EVI5L: variants seen among roughly 807,000 people sequenced by gnomAD.
EVI5L encodes the protein ecotropic viral integration site 5 like, also known as EVI5-like protein.
In EVI5L, 30 loss-of-function variants were observed where a neutral mutation model predicts 106.1. That is an observed-to-expected ratio of 0.28 (90% CI 0.21 to 0.38). EVI5L has a LOEUF of 0.38. Among genes scored for constraint, EVI5L ranks in the 10% least tolerant of loss-of-function variants. The probability of loss-of-function intolerance (pLI) is 1.00; values close to 1 mark genes in which losing one functional copy is unlikely to be tolerated. For synonymous variants in EVI5L, 489 were observed against 483.3 expected, an observed-to-expected ratio of 1.01 and a Z score of -0.15; for missense variants, 809 against 1,098.0, an observed-to-expected ratio of 0.74 and a Z score of 3.72.
At chr19:7,849,825 C>T (rs575911416) in intron 5 of EVI5L, among the ~76,000 whole-genome samples, 172 bp from the exon 6 acceptor site, 16 of 152,260 alleles carry the variant, frequency 1.1e-4, no homozygotes, top group African/African-American at 4.8e-5. Context: ...CTCAGGTCTT[C>T]CATCAGTAAA....
chr19:7,843,486 AGT>A (rs1978793833), intron 1 of EVI5L, among the ~76,000 whole-genome samples: 1 of 127,972 alleles, frequency 7.8e-6, no homozygotes, highest in Non-Finnish European at 1.6e-5. Context: ...GGGTGTGTCA[AGT>A]GTGCATGTGT....
At chr19:7,836,479 G>T (rs1025857729) in intron 1 of EVI5L, among the ~76,000 whole-genome samples, 1 of 152,160 alleles carries the variant, frequency 6.6e-6, no homozygotes, top group African/African-American at 2.4e-5. Context: ...GCAGCACAGC[G>T]GGTGGATTTA....
chr19:7,855,312 G>A (rs1417193265), intron 10 of EVI5L, among the ~76,000 whole-genome samples: 5 of 151,712 alleles, frequency 3.3e-5, no homozygotes, highest in Admixed American at 1.3e-4. Flanking sequence ...GGCTGGTCTC[G>A]AACTCCTGAC....
At chr19:7,849,543 C>G (rs1319786615) in intron 5 of EVI5L, among the ~76,000 whole-genome samples, 1 of 152,236 alleles carries the variant, frequency 6.6e-6, no homozygotes, top group African/African-American at 2.4e-5. Context: ...CTGTACCATC[C>G]AGGACAGAGA....
Position 7,863,754 on chromosome 19 carries a change from C to A in EVI5L, c.*52C>A. The A allele has an allele frequency of 7.0e-7, 1 of 1,423,234 alleles. No individual in the cohort carries two copies. Among genetic ancestry groups the A allele is most frequent in the South Asian group, 1.5e-5 (1 of 66,222 alleles). 88.2% of individuals were successfully genotyped at this position (1,423,234 alleles called of 1,614,324 possible). On this transcript the variant is annotated 3_prime_UTR_variant, in exon 20 of 20. Coordinates refer to ENST00000538904, the MANE Select transcript of EVI5L (RefSeq NM_001159944.3). The surrounding 1 kb of genome is among the most constrained non-coding windows in gnomAD (Gnocchi z 7.7). ...GGAGGCCGCAGCCGCGGGGGGCGCC[C>A]GGGCAGTCCGCGTTCTGCTCCCCAC...
intron 1 of EVI5L, among the ~76,000 whole-genome samples, chr19:7,843,355 TGA>T (rs1312201283): frequency 3.5e-5 from 5 of 142,212 alleles, no homozygotes; most frequent in South Asian, 2.3e-4. Flanking sequence ...TATAGGTGTG[TGA>T]GTGTGAGAAT....
intron 10 of EVI5L, chr19:7,853,620 C>G (rs1254217392): frequency 2.0e-6 from 1 of 503,568 alleles, no homozygotes; most frequent in African/African-American, 1.9e-5. Flanking sequence ...AACTAGAGTG[C>G]GGACTCTAAA....
At chr19:7,860,843 G>A (rs1483163941) in intron 14 of EVI5L, among the ~76,000 whole-genome samples, 154 bp downstream of exon 14, 1 of 152,110 alleles carries the variant, frequency 6.6e-6, no homozygotes, top group Non-Finnish European at 1.5e-5. Context: ...CCCCACGCGG[G>A]GCATGCCCAC....
At position 7,863,747 on chromosome 19, in the gene EVI5L, G is replaced by C. The variant is rs1453598929; in HGVS notation, c.*45G>C. On this transcript the variant is annotated 3_prime_UTR_variant, in exon 20 of 20. Transcript: ENST00000538904. The surrounding 1 kb of genome is among the most constrained non-coding windows in gnomAD (Gnocchi z 7.7). ...GGAGTCAGGAGGCCGCAGCCGCGGG[G>C]GGCGCCCGGGCAGTCCGCGTTCTGC... 8.4e-6 allele frequency: 12 copies of C among 1,425,242 alleles called. No individual in the cohort carries two copies. Among genetic ancestry groups the C allele is most frequent in the Non-Finnish European group, 1.1e-5 (12 of 1,096,060 alleles). 88.3% of individuals were successfully genotyped at this position (1,425,242 alleles called of 1,614,324 possible).
At chr19:7,849,368 A>G in intron 5 of EVI5L, 38 bp downstream of exon 5, 3 of 1,609,780 alleles carry the variant, frequency 1.9e-6, no homozygotes, top group Non-Finnish European at 2.5e-6. Context: ...CTGCCAGACA[A>G]CAGCCCACCC....
intron 10 of EVI5L, 146 bp from the exon 11 acceptor site, chr19:7,855,869 G>A (rs1373313493): frequency 1.7e-6 from 1 of 577,180 alleles, no homozygotes; most frequent in African/African-American, 1.9e-5. Context: ...TGAAATCGCT[G>A]ACCCAGAACG....
In EVI5L at chr19:7,857,211, C is replaced by T. The variant is rs1426880278; in HGVS notation, c.1233+87C>T. 1 of 1,515,894 alleles carries T rather than the reference C, an allele frequency of 6.6e-7. No homozygotes were observed. The highest frequency in any genetic ancestry group is 9.0e-7 in the Non-Finnish European group (1 of 1,116,324). The allele number at this position is 1,515,894 out of a possible 1,614,324, so 93.9% of individuals were successfully genotyped here. A position where few individuals can be genotyped will look rare whatever the true frequency, so the allele number is the denominator to read the frequency against. ...ATGACAGCCAGTAACCGCCTCTTCC[C>T]TGCCATTCTGCGGGCAGGCCTGGCG... On this transcript the variant is annotated intron_variant, in intron 12 of 19. Coordinates refer to ENST00000538904, the MANE Select transcript of EVI5L (RefSeq NM_001159944.3). The surrounding 1 kb of genome is among the most constrained non-coding windows in gnomAD (Gnocchi z 4.5).
chr19:7,851,451 C>T lies in EVI5L; in HGVS notation c.771C>T (p.Leu257=). 1 of 1,612,816 alleles carries T rather than the reference C, an allele frequency of 6.2e-7. No individual in the cohort carries two copies. The highest frequency in any genetic ancestry group is 8.5e-7 in the Non-Finnish European group (1 of 1,179,404). ...CCCTGCAGGAGCAGCTCCCAGACCT[C>T]AACACCCACTTCCGTTCCCAAAGCT... ...EYMLQEQLPD[L]NTHFRSQSFH... Residue 257 remains leucine, a synonymous_variant, in exon 7 of 20, where the codon CTC becomes CTT. Coordinates refer to ENST00000538904, the MANE Select transcript of EVI5L (RefSeq NM_001159944.3).
rs768591891 is a variant in EVI5L, at chr19:7,857,293, G to C, written c.1233+169G>C. ...GGGGACACAGAGGCTTCCCGGGGGG[G>C]CGGGGCATGTGAAGTGGGGAGAAGG... On this transcript the variant is annotated intron_variant, in intron 12 of 19. Transcript: ENST00000538904. This position sits in a 1 kb window ranked among gnomAD's most constrained non-coding sequence, Gnocchi z 4.5. The C allele has an allele frequency of 1.1e-6, 1 of 871,462 alleles. No homozygotes were observed. 54.0% of individuals were successfully genotyped at this position (871,462 alleles called of 1,614,324 possible).
At chr19:7,854,739 T>C (rs910021491) in intron 10 of EVI5L, among the ~76,000 whole-genome samples, 11 of 152,178 alleles carry the variant, frequency 7.2e-5, no homozygotes, top group African/African-American at 2.7e-4. Flanking sequence ...CAGATTGCTA[T>C]GAGGACCAGA....
rs576579209 is a variant in EVI5L at position 7,845,810 on chromosome 19, C to G, written c.-47-686C>G. ...AGATGTGCCTGGGACTCACCTGGCA[C>G]GTGGCAGGCCAAGATCTGGATACGG... On this transcript the variant is annotated intron_variant, in intron 1 of 19. Coordinates refer to ENST00000538904, the MANE Select transcript of EVI5L (RefSeq NM_001159944.3). The surrounding 1 kb of genome is among the most constrained non-coding windows in gnomAD (Gnocchi z 4.0). 6.6e-6 allele frequency among the ~76,000 whole-genome samples: 1 copy of G among 152,188 alleles called. No individual in the cohort carries two copies. The highest frequency in any genetic ancestry group is 1.5e-5 in the Non-Finnish European group (1 of 68,036).
chr19:7,846,741 T>C, intron 2 of EVI5L, 62 bp downstream of exon 2: 1 of 1,562,850 alleles, frequency 6.4e-7, no homozygotes, highest in Admixed American at 1.9e-5. Context: ...CCCACAGGAG[T>C]TCCCAGGTGC....
intron 1 of EVI5L, among the ~76,000 whole-genome samples, chr19:7,842,738 TG>T (rs1193951232): frequency 6.7e-6 from 1 of 148,874 alleles, no homozygotes; most frequent in African/African-American, 2.5e-5. Flanking sequence ...ATTGTGTGCA[TG>T]TGTGTGAAGG....
intron 16 of EVI5L, 46 bp downstream of exon 16, chr19:7,862,323 T>TGGCCA (rs1289208539): frequency 6.3e-7 from 1 of 1,582,874 alleles, no homozygotes; most frequent in South Asian, 1.2e-5. Context: ...GTGGTGTCCG[T>TGGCCA]GGCCAGCCCC....
Sources: gnomAD v4.1 joint callset for allele counts (sites outside exome capture counted in the v4.1 genomes callset) on GRCh38, gnomAD v4.1.1 for gene constraint, Gnocchi (gnomAD v3.1) non-coding constraint, MANE v1.5 for transcripts, NCBI Gene and HGNC (gene_info 2026-07-23, HGNC 2026-07-21) for gene names.